The following CMSS1 variants were observed in gnomAD, a reference collection of about 807,000 sequenced individuals.
CMSS1 encodes the protein cms1 ribosomal small subunit homolog, also known as protein CMSS1.
In CMSS1, 33 loss-of-function variants were observed where a neutral mutation model predicts 43.5. The observed-to-expected ratio is 0.76, with a 90% CI of 0.57 to 1.01. The LOEUF (loss-of-function observed/expected upper bound fraction) is 1.01, where lower values mean the gene tolerates loss of function less well. CMSS1 is among the 50% of genes least tolerant of loss of function. The pLI, the probability that CMSS1 is intolerant of heterozygous loss-of-function variation, is 0.00. For synonymous variants in CMSS1, 115 were observed against 117.2 expected, an observed-to-expected ratio of 0.98 and a Z score of 0.12; for missense variants, 313 against 326.4, an observed-to-expected ratio of 0.96 and a Z score of 0.32.
At position 100,036,312 on chromosome 3, in the gene CMSS1, G is replaced by GA. The variant is rs199552074; in HGVS notation, c.65-110653dup. Among the ~76,000 whole-genome samples the GA allele has an allele frequency of 5.0e-3, 753 of 151,890 alleles. 9 individuals carry two copies. Among genetic ancestry groups the GA allele is most frequent in the Admixed American group, 4.7e-3 (72 of 15,256 alleles). ...GTAGCTGACTGCAGGGCTGTTGGAG[G>GA]AAAAAAAAGATGAGCCTGGAACATC... is the stretch of plus-strand genomic sequence containing the variant. On this transcript the variant is annotated intron_variant, in intron 1 of 9. Coordinates refer to ENST00000421999, the MANE Select transcript of CMSS1 (RefSeq NM_032359.4).
intron 1 of CMSS1, among the ~76,000 whole-genome samples, chr3:100,137,717 C>G (rs1262550467): frequency 3.3e-5 from 5 of 152,046 alleles, no homozygotes; most frequent in African/African-American, 1.2e-4. Context: ...CGCCCGCCAC[C>G]ATGCCCGGCT....
chr3:100,078,498 G>A (rs2065883582), intron 1 of CMSS1, among the ~76,000 whole-genome samples: 1 of 152,138 alleles, frequency 6.6e-6, no homozygotes. Flanking sequence ...ACTAGGTCAA[G>A]GGTGTCCAAT....
chr3:100,147,265 CTTTTTTTTTTTTT>C, intron 2 of CMSS1, among the ~76,000 whole-genome samples: 1 of 86,852 alleles, frequency 1.2e-5, no homozygotes, highest in South Asian at 4.3e-4. Flanking sequence ...AATTCTTTTT[CTTTTTTTTTTTTT>C]TTTTTTTTTT....
chr3:100,015,189 G>C (rs1710305947), intron 1 of CMSS1, among the ~76,000 whole-genome samples: 2 of 151,808 alleles, frequency 1.3e-5, no homozygotes, highest in African/African-American at 4.8e-5. Context: ...CTTCGTTGTA[G>C]ATCATTTGAC....
chr3:100,040,660 GTGT>G (rs780191395), intron 1 of CMSS1: 4 of 152,210 alleles, frequency 2.6e-5, no homozygotes, highest in Non-Finnish European at 5.9e-5. Context: ...ACATAAGCCA[GTGT>G]TGTTATCATG....
intron 1 of CMSS1, among the ~76,000 whole-genome samples, chr3:99,881,674 A>G (rs1705734221): frequency 1.3e-5 from 2 of 152,044 alleles, no homozygotes; most frequent in South Asian, 4.1e-4. Context: ...CTGGGATTAT[A>G]CATGTGTGCT....
At chr3:100,046,313 T>C (rs754418557) in intron 1 of CMSS1, among the ~76,000 whole-genome samples, 1 of 152,208 alleles carries the variant, frequency 6.6e-6, no homozygotes, top group Non-Finnish European at 1.5e-5. Flanking sequence ...GCCTCAGACA[T>C]GTCTTAAAAA....
intron 1 of CMSS1, among the ~76,000 whole-genome samples, chr3:99,828,781 C>T (rs1170584764): frequency 6.6e-6 from 1 of 152,046 alleles, no homozygotes; most frequent in Non-Finnish European, 1.5e-5. Flanking sequence ...AGTCCATCCC[C>T]TTCTACTATT....
At chr3:99,841,220 T>A (rs1192429870) in intron 1 of CMSS1, among the ~76,000 whole-genome samples, 1 of 152,270 alleles carries the variant, frequency 6.6e-6, no homozygotes, top group African/African-American at 2.4e-5. Flanking sequence ...ATTGACAGAT[T>A]GGCCCAGAGT....
chr3:100,163,106 TAAG>T (rs1439618012), intron 4 of CMSS1, among the ~76,000 whole-genome samples: 2 of 152,242 alleles, frequency 1.3e-5, no homozygotes, highest in Non-Finnish European at 1.5e-5. Context: ...AATCTAATAT[TAAG>T]ATTTGTGATT....
At chr3:99,924,935 G>A (rs1393311627) in intron 1 of CMSS1, among the ~76,000 whole-genome samples, 6 of 152,164 alleles carry the variant, frequency 3.9e-5, no homozygotes, top group Admixed American at 2.0e-4. Context: ...TTTCTTGACA[G>A]AATAATCTGT....
chr3:99,951,681 T>C (rs1356261154), intron 1 of CMSS1, among the ~76,000 whole-genome samples: 1 of 152,202 alleles, frequency 6.6e-6, no homozygotes, highest in Non-Finnish European at 1.5e-5. Context: ...GGCCACCTTA[T>C]GTCTCTTCCC....
intron 1 of CMSS1, among the ~76,000 whole-genome samples, chr3:99,861,542 T>G (rs1201509858): frequency 5.9e-5 from 9 of 152,168 alleles, no homozygotes; most frequent in Admixed American, 5.9e-4. Flanking sequence ...TTCCTCCCAC[T>G]CTCTGCAGTT....
intron 3 of CMSS1, 63 bp from the exon 4 acceptor site, chr3:100,162,240 C>G: frequency 6.7e-7 from 1 of 1,483,996 alleles, no homozygotes; most frequent in Non-Finnish European, 9.3e-7. Flanking sequence ...AGGAACTAAC[C>G]TATTCCAACC....
chr3:99,920,085 G>A (rs1707077172), intron 1 of CMSS1, among the ~76,000 whole-genome samples: 2 of 152,074 alleles, frequency 1.3e-5, no homozygotes, highest in African/African-American at 4.8e-5. Context: ...GTAATTTAAG[G>A]CTTTAACACA....
chr3:99,988,764 A>G (rs1709428639), intron 1 of CMSS1, among the ~76,000 whole-genome samples: 1 of 152,200 alleles, frequency 6.6e-6, no homozygotes, highest in Admixed American at 6.5e-5. Context: ...TTACAGAAAC[A>G]TAGTATAATA....
chr3:100,156,659 G>A (rs1056499111), intron 2 of CMSS1, among the ~76,000 whole-genome samples: 13 of 150,656 alleles, frequency 8.6e-5, no homozygotes, highest in African/African-American at 2.9e-4. Context: ...TCTGTCGCCC[G>A]GGCTGGCGTG....
intron 1 of CMSS1, among the ~76,000 whole-genome samples, chr3:100,016,232 G>A (rs1710334399): frequency 1.3e-5 from 2 of 152,238 alleles, no homozygotes; most frequent in South Asian, 4.2e-4. Context: ...CACTCTTGTT[G>A]CCCAGGCTGG....
intron 1 of CMSS1, among the ~76,000 whole-genome samples, chr3:100,009,559 C>T (rs1710084201): frequency 6.6e-6 from 1 of 152,142 alleles, no homozygotes; most frequent in Non-Finnish European, 1.5e-5. Context: ...ATAGACCAAG[C>T]TCTTAATTTC....
Sources: gnomAD v4.1 joint callset for allele counts (sites outside exome capture counted in the v4.1 genomes callset) on GRCh38, gnomAD v4.1.1 for gene constraint, MANE v1.5 for transcripts, NCBI Gene and HGNC (gene_info 2026-07-23, HGNC 2026-07-21) for gene names.